Variants in TENM2 observed in about 807,000 individuals in gnomAD.
TENM2 encodes teneurin transmembrane protein 2.
In TENM2, 52 loss-of-function variants were observed where a neutral mutation model predicts 245.2. The observed-to-expected ratio is 0.21, with a 90% CI of 0.17 to 0.27. The LOEUF is 0.27. TENM2 is among the 10% of genes least tolerant of loss of function. The probability of loss-of-function intolerance (pLI) is 1.00; values close to 1 mark genes in which losing one functional copy is unlikely to be tolerated. For synonymous variants in TENM2, 1,363 were observed against 1,438.9 expected, an observed-to-expected ratio of 0.95 and a Z score of 1.19; for missense variants, 3,046 against 3,666.8, an observed-to-expected ratio of 0.83 and a Z score of 4.37.
At chr5:167,511,863 A>G (rs2127570726) in intron 2 of TENM2, among the ~76,000 whole-genome samples, 1 of 152,332 alleles carries the variant, frequency 6.6e-6, no homozygotes, top group East Asian at 1.9e-4. Context: ...TCACTAAATT[A>G]CAAGGAATAC....
chr5:168,048,731 C>T (rs1409800694), intron 6 of TENM2, among the ~76,000 whole-genome samples: 4 of 152,164 alleles, frequency 2.6e-5, no homozygotes, highest in Admixed American at 6.5e-5. Flanking sequence ...GCTAATGCTG[C>T]TTCAATTATC....
intron 13 of TENM2, among the ~76,000 whole-genome samples, chr5:168,183,394 T>C (rs1441492924): frequency 6.7e-6 from 1 of 148,372 alleles, no homozygotes; most frequent in Non-Finnish European, 1.5e-5. Context: ...AAAAAAAAAA[T>C]GCCCTTTGAC....
the TENM2 span, among the ~76,000 whole-genome samples, chr5:167,123,864 C>CATTGCAGCACTTTTA: frequency 6.6e-6 from 1 of 152,076 alleles, no homozygotes; most frequent in African/African-American, 2.4e-5. Context: ...CAAGTTATAC[C>CATTGCAGCACTTTTA]ACCTTGCAGC....
chr5:167,336,349 C>T (rs1391929584), intron 1 of TENM2, among the ~76,000 whole-genome samples: 1 of 151,484 alleles, frequency 6.6e-6, no homozygotes, highest in Non-Finnish European at 1.5e-5. Context: ...GCTGGGGCAG[C>T]CATAGCCTTT....
chr5:167,078,031 TA>T, the TENM2 span, among the ~76,000 whole-genome samples: 1 of 151,874 alleles, frequency 6.6e-6, no homozygotes, highest in Admixed American at 6.6e-5. Flanking sequence ...ACTAGAACAC[TA>T]AAAGATAAAT....
intron 2 of TENM2, among the ~76,000 whole-genome samples, chr5:167,762,555 G>C (rs879706380): frequency 1.3e-5 from 2 of 152,184 alleles, no homozygotes; most frequent in African/African-American, 4.8e-5. Context: ...GTTGGCAATG[G>C]TGAGGTTAGG....
intron 5 of TENM2, among the ~76,000 whole-genome samples, chr5:168,005,380 T>A (rs1188430782): frequency 1.3e-5 from 2 of 152,212 alleles, no homozygotes; most frequent in Non-Finnish European, 2.9e-5. Context: ...GAAAGCCAAG[T>A]CTGAACTCTT....
chr5:167,682,068 TC>T (rs1457168148), intron 2 of TENM2, among the ~76,000 whole-genome samples: 12 of 124,048 alleles, frequency 9.7e-5, no homozygotes, highest in Admixed American at 3.3e-4. Context: ...CTTCCTTCCT[TC>T]TTTCCTTCCT....
chr5:167,945,688 T>C (rs980087145), intron 3 of TENM2, among the ~76,000 whole-genome samples: 1 of 152,140 alleles, frequency 6.6e-6, no homozygotes, highest in African/African-American at 2.4e-5. Context: ...TCATTGCGAA[T>C]GCATTCGGAA....
At chr5:167,290,025 C>G (rs1250594819) in intron 1 of TENM2, among the ~76,000 whole-genome samples, 1 of 152,168 alleles carries the variant, frequency 6.6e-6, no homozygotes, top group Non-Finnish European at 1.5e-5. Context: ...TTTATTTTCC[C>G]ACTTCCAGGT....
At chr5:167,834,640 C>CTTTTTTTTTTTTTTTTTTTTTTTTTTT (rs555150513) in intron 2 of TENM2, among the ~76,000 whole-genome samples, 2 of 129,544 alleles carry the variant, frequency 1.5e-5, no homozygotes, top group African/African-American at 2.9e-5. Context: ...TGTACAATTT[C>CTTTTTTTTTTTTTTTTTTTTTTTTTTT]TTTTTTTTTT....
chr5:168,244,637 C>T lies in TENM2; in HGVS notation c.5738C>T (p.Thr1913Ile), dbSNP rs1261712693. 2 of 1,571,090 alleles carry T rather than the reference C, an allele frequency of 1.3e-6. No homozygotes were observed. The highest frequency in any genetic ancestry group is 2.3e-5 in the East Asian group (1 of 43,570). The change falls in exon 26 of 29, where the codon ACA becomes ATA. Residue 1913 changes from threonine (T) to isoleucine (I), a missense_variant. By Grantham distance (89) the Thr-to-Ile change is moderately conservative (BLOSUM62 -1). Coordinates refer to ENST00000518659, the Ensembl canonical transcript of TENM2. The surrounding 1 kb of genome is among the most constrained non-coding windows in gnomAD (Gnocchi z 4.9). The stretch of plus-strand genomic sequence containing the variant: ...CAGCGTGGGGCCATGAGCGAGAGGA[C>T]AGACATCGACAAGCAAGGCCGCATC...
At chr5:167,961,753 A>G (rs1781029055) in intron 4 of TENM2, among the ~76,000 whole-genome samples, 1 of 152,252 alleles carries the variant, frequency 6.6e-6, no homozygotes, top group African/African-American at 2.4e-5. Flanking sequence ...AGTAACCTGC[A>G]GGAAGTCTAA....
intron 2 of TENM2, among the ~76,000 whole-genome samples, chr5:167,698,205 G>C (rs1253253891): frequency 6.6e-6 from 1 of 152,286 alleles, no homozygotes; most frequent in Non-Finnish European, 1.5e-5. Flanking sequence ...GTAACTCCCT[G>C]GTTGTTTTTA....
chr5:168,034,918 T>G (rs983385752), intron 5 of TENM2, among the ~76,000 whole-genome samples: 25 of 152,370 alleles, frequency 1.6e-4, no homozygotes, highest in African/African-American at 6.0e-4. Context: ...AGAACTGAAT[T>G]AATTTACATT....
At chr5:167,446,702 G>C (rs371108791) in intron 2 of TENM2, among the ~76,000 whole-genome samples, 1,558 of 151,000 alleles carry the variant, frequency 0.01, 23 homozygotes, top group African/African-American at 0.03. Flanking sequence ...ACTTTTTTGG[G>C]GGGGGGGATT....
the TENM2 span, among the ~76,000 whole-genome samples, chr5:167,183,481 A>G: frequency 0.018 from 2,679 of 152,280 alleles, 30 homozygotes; most frequent in Non-Finnish European, 0.027. Flanking sequence ...TTGATAATTT[A>G]TGTGGCTATA....
At chr5:167,111,978 AT>A in the TENM2 span, among the ~76,000 whole-genome samples, 1 of 152,164 alleles carries the variant, frequency 6.6e-6, no homozygotes, top group Non-Finnish European at 1.5e-5. Flanking sequence ...CATTAACTGG[AT>A]ATCAATTCCC....
intron 4 of TENM2, among the ~76,000 whole-genome samples, chr5:167,958,706 A>G (rs934921142): frequency 1.3e-5 from 2 of 152,144 alleles, no homozygotes; most frequent in East Asian, 1.9e-4. Flanking sequence ...ATTTGCTTGT[A>G]TGTAAAGGAT....
Sources: gnomAD v4.1 joint callset for allele counts (sites outside exome capture counted in the v4.1 genomes callset) on GRCh38, gnomAD v4.1.1 for gene constraint, Gnocchi (gnomAD v3.1) non-coding constraint, MANE v1.5 for transcripts, NCBI Gene and HGNC (gene_info 2026-07-23, HGNC 2026-07-21) for gene names.